Variants in PRDM6 observed in about 807,000 individuals in gnomAD.
PRDM6 encodes PR/SET domain 6.
PRDM6 carries 25 observed loss-of-function variants against 60.8 expected under a neutral mutation model. The ratio of observed to expected loss-of-function variants is 0.41; its 90% confidence interval spans 0.30 to 0.57. PRDM6 has a LOEUF of 0.57. Ranked by LOEUF, PRDM6 falls within the 20% of genes least tolerant of loss-of-function variation. The pLI is 0.27. For missense variants in PRDM6, 839 were observed against 821.3 expected, an observed-to-expected ratio of 1.02 and a Z score of -0.26; for synonymous variants, 407 against 357.4, an observed-to-expected ratio of 1.14 and a Z score of -1.57.
chr5:123,095,767 A>T (rs1041499475), intron 2 of PRDM6, among the ~76,000 whole-genome samples: 1 of 152,188 alleles, frequency 6.6e-6, no homozygotes, highest in African/African-American at 2.4e-5. Flanking sequence ...CTGGGGAGTG[A>T]AGATGTGATG....
rs1338259313 is a variant in PRDM6, at chr5:123,110,806, C to A, written c.900+10845C>A. On this transcript the variant is annotated intron_variant, in intron 3 of 7. Transcript: ENST00000407847. The stretch of plus-strand genomic sequence containing the variant: ...GTCTCGAACTCCCGACCTCAGTGAT[C>A]TGCCCGCCTCGGCTTCCCAAAGTGC... 2.6e-5 allele frequency among the ~76,000 whole-genome samples: 4 copies of A among 152,058 alleles called. 1 individual carries two copies. Among genetic ancestry groups the A allele is most frequent in the Non-Finnish European group, 5.9e-5 (4 of 68,026 alleles).
chr5:123,109,290 C>T lies in PRDM6; in HGVS notation c.900+9329C>T, dbSNP rs930116079. Among the ~76,000 whole-genome samples, 19 of 152,174 alleles carry T rather than the reference C, an allele frequency of 1.2e-4. No individual in the cohort carries two copies. The South Asian group carries it at 3.7e-3, about 30-fold the overall frequency. On this transcript the variant is annotated intron_variant, in intron 3 of 7. Transcript: ENST00000407847. Reference sequence around the variant, plus strand: ...AGACATTAGTGAAACAACTTAATTTCTTTATACCTCTTTTTTCCCCACATG... The same window carrying T: ...AGACATTAGTGAAACAACTTAATTTTTTTATACCTCTTTTTTCCCCACATG...
intron 6 of PRDM6, among the ~76,000 whole-genome samples, chr5:123,171,358 G>A (rs1284970983): frequency 6.6e-6 from 1 of 152,210 alleles, no homozygotes; most frequent in Non-Finnish European, 1.5e-5. Flanking sequence ...CTAAAAGAGA[G>A]AGAAATAGAA....
intron 5 of PRDM6, among the ~76,000 whole-genome samples, chr5:123,168,495 G>A (rs1035734687): frequency 6.6e-6 from 1 of 152,158 alleles, no homozygotes; most frequent in Non-Finnish European, 1.5e-5. Flanking sequence ...ACCTTCTTGG[G>A]ACTCGGCTTT....
chr5:123,151,578 G>A (rs966403807), intron 3 of PRDM6, among the ~76,000 whole-genome samples: 5 of 152,122 alleles, frequency 3.3e-5, no homozygotes, highest in African/African-American at 7.2e-5. Flanking sequence ...TTTTGTAGAC[G>A]CCATTTCCTT....
intron 3 of PRDM6, among the ~76,000 whole-genome samples, chr5:123,146,998 G>C (rs1030062038): frequency 6.6e-6 from 1 of 152,078 alleles, no homozygotes; most frequent in Non-Finnish European, 1.5e-5. Flanking sequence ...GTTTACTCAA[G>C]CTTTCATGAG....
At chr5:123,111,713 A>C (rs537004521) in intron 3 of PRDM6, among the ~76,000 whole-genome samples, 241 of 45,806 alleles carry the variant, frequency 5.3e-3, no homozygotes, top group Non-Finnish European at 9.9e-3. Context: ...AAAACAAAAA[A>C]AAAACAAAAT....
chr5:123,149,205 A>T (rs1435238477), intron 3 of PRDM6, among the ~76,000 whole-genome samples: 1 of 152,200 alleles, frequency 6.6e-6, no homozygotes, highest in Admixed American at 6.5e-5. Context: ...CAGAAAGGTT[A>T]GTAGGCCACA....
intron 2 of PRDM6, among the ~76,000 whole-genome samples, chr5:123,093,972 G>A (rs990254391): frequency 6.6e-6 from 1 of 151,988 alleles, no homozygotes; most frequent in Admixed American, 6.5e-5. Context: ...GTTGGGGGAG[G>A]GGTCTCTGTC....
At chr5:123,094,028 A>G (rs890991302) in intron 2 of PRDM6, among the ~76,000 whole-genome samples, 5 of 151,814 alleles carry the variant, frequency 3.3e-5, no homozygotes, top group African/African-American at 1.2e-4. Flanking sequence ...ACAGGCTGGA[A>G]ACAGCGCCGG....
In PRDM6 at chr5:123,189,482, TG is replaced by T. The variant is rs1030790321; in HGVS notation, c.*2284del. Reference sequence around the variant, plus strand: ...TTCCCTCCTCCCTTGATGTCTGGCATGGGAAGGTTTTCCTTAACAATGATCT... The same window carrying T: ...TTCCCTCCTCCCTTGATGTCTGGCATGGAAGGTTTTCCTTAACAATGATCT... On this transcript the variant is annotated 3_prime_UTR_variant, in exon 8 of 8. Coordinates refer to ENST00000407847, the MANE Select transcript of PRDM6 (RefSeq NM_001136239.4). The T allele has an allele frequency of 6.6e-5, 10 of 152,322 alleles. No individual in the cohort carries two copies. Among genetic ancestry groups the T allele is most frequent in the African/African-American group, 2.4e-4 (10 of 41,568 alleles). 9.4% of individuals were successfully genotyped at this position (152,322 alleles called of 1,614,324 possible). A position where few individuals can be genotyped will look rare whatever the true frequency, so the allele number is the denominator to read the frequency against.
intron 2 of PRDM6, among the ~76,000 whole-genome samples, chr5:123,092,469 G>A (rs1227927480): frequency 6.6e-6 from 1 of 152,078 alleles, no homozygotes; most frequent in Admixed American, 6.6e-5. Context: ...AAATTAATAC[G>A]TTTTCACCAG....
Position 123,099,827 on chromosome 5 carries a change from C to T in PRDM6, c.766C>T (p.Pro256Ser). 6.4e-7 allele frequency: 1 copy of T among 1,550,486 alleles called. No individual in the cohort carries two copies. Among genetic ancestry groups the T allele is most frequent in the Non-Finnish European group, 8.7e-7 (1 of 1,146,834 alleles). The change falls in exon 3 of 8, where the codon CCC becomes TCC. Residue 256 changes from proline (P) to serine (S), a missense_variant. Around this residue, in one of 2 missense-constraint regions of PRDM6, gnomAD observed 730 missense variants for 648.8 expected, o/e 1.13. Coordinates refer to ENST00000407847, the MANE Select transcript of PRDM6 (RefSeq NM_001136239.4). This position sits in a 1 kb window ranked among gnomAD's most constrained non-coding sequence, Gnocchi z 4.0. ...GGTGTGCCTCTGCACCAGTACTGTG[C>T]CCGGCCTGGCCTACGGCATCTGCGC... ...REVCLCTSTV[P>S]GLAYGICAAQ...
chr5:123,131,050 C>G (rs1049278589), intron 3 of PRDM6, among the ~76,000 whole-genome samples: 2 of 152,172 alleles, frequency 1.3e-5, no homozygotes, highest in African/African-American at 4.8e-5. Context: ...TAATAGCACA[C>G]AGTATTGTCT....
chr5:123,136,415 C>G (rs1469678140), intron 3 of PRDM6, among the ~76,000 whole-genome samples: 1 of 152,000 alleles, frequency 6.6e-6, no homozygotes, highest in Admixed American at 6.6e-5. Flanking sequence ...GACTGTTTTG[C>G]AAAGTAGACA....
At chr5:123,163,438 G>A (rs1415349551) in intron 5 of PRDM6, among the ~76,000 whole-genome samples, 1 of 152,190 alleles carries the variant, frequency 6.6e-6, no homozygotes, top group African/African-American at 2.4e-5. Context: ...AAAGCAGGGC[G>A]GCCGTGGGTA....
At chr5:123,142,311 T>C (rs1765123401) in intron 3 of PRDM6, among the ~76,000 whole-genome samples, 1 of 114,570 alleles carries the variant, frequency 8.7e-6, no homozygotes, top group African/African-American at 3.2e-5. Context: ...GCCCATGCAA[T>C]GGAGCACATG....
At chr5:123,138,321 T>C (rs1406930102) in intron 3 of PRDM6, among the ~76,000 whole-genome samples, 1 of 152,188 alleles carries the variant, frequency 6.6e-6, no homozygotes, top group African/African-American at 2.4e-5. Context: ...GTGTGAAACA[T>C]ACTTTAGAGG....
intron 3 of PRDM6, among the ~76,000 whole-genome samples, chr5:123,148,501 A>T (rs1195306838): frequency 1.3e-5 from 2 of 152,156 alleles, no homozygotes; most frequent in African/African-American, 4.8e-5. Context: ...GAGAAAAAAT[A>T]AAAAGCTGAA....
Sources: gnomAD v4.1 joint callset for allele counts (sites outside exome capture counted in the v4.1 genomes callset) on GRCh38, gnomAD v4.1.1 for gene constraint, gnomAD v4.1.1 regional missense constraint, Gnocchi (gnomAD v3.1) non-coding constraint, MANE v1.5 for transcripts, NCBI Gene and HGNC (gene_info 2026-07-23, HGNC 2026-07-21) for gene names.